NELL2: variants seen among roughly 807,000 people sequenced by gnomAD.
NELL2 encodes neural EGFL like 2, also known as protein kinase C-binding protein NELL2.
In NELL2, 41 loss-of-function variants were observed where a neutral mutation model predicts 109.6. That is an observed-to-expected ratio of 0.37 (90% CI 0.29 to 0.49). The LOEUF is 0.49. Among genes scored for constraint, NELL2 ranks in the 20% least tolerant of loss-of-function variants. NELL2 has a pLI of 0.98. For synonymous variants in NELL2, 355 were observed against 344.7 expected (o/e 1.03, Z -0.33); for missense variants, 900 against 1,008.3 (o/e 0.89, Z 1.45).
chr12:44,818,043 C>G (rs558045270), intron 2 of NELL2, among the ~76,000 whole-genome samples: 34 of 147,848 alleles, frequency 2.3e-4, no homozygotes, highest in African/African-American at 7.8e-4. Context: ...TTCAACATTC[C>G]CATTCAACAT....
intron 12 of NELL2, among the ~76,000 whole-genome samples, chr12:44,672,889 C>G (rs2136353540): frequency 6.6e-6 from 1 of 152,212 alleles, no homozygotes; most frequent in Non-Finnish European, 1.5e-5. Flanking sequence ...TAGATGTTTC[C>G]CTTTTAAGCT....
chr12:44,596,043 T>A (rs1012227598), intron 15 of NELL2, among the ~76,000 whole-genome samples: 20 of 152,178 alleles, frequency 1.3e-4, no homozygotes, highest in Non-Finnish European at 8.8e-5. Context: ...AGATTTGTAG[T>A]TAGCAGTCAC....
chr12:44,518,561 C>T (rs963584420), intron 19 of NELL2, among the ~76,000 whole-genome samples: 8 of 152,142 alleles, frequency 5.3e-5, no homozygotes, highest in Non-Finnish European at 1.0e-4. Flanking sequence ...AAATTCTTTA[C>T]CCCAGAAAAC....
At chr12:44,529,080 C>T (rs11182524) in intron 16 of NELL2, among the ~76,000 whole-genome samples, 3 of 151,908 alleles carry the variant, frequency 2.0e-5, no homozygotes, top group African/African-American at 4.8e-5. Context: ...AGAAGAATCA[C>T]TCTGAATGTT....
At chr12:44,870,689 C>A (rs1945136701) in intron 2 of NELL2, among the ~76,000 whole-genome samples, 1 of 152,104 alleles carries the variant, frequency 6.6e-6, no homozygotes, top group Admixed American at 6.6e-5. Context: ...CACCAGTGGC[C>A]AGACTAGTTT....
intron 13 of NELL2, among the ~76,000 whole-genome samples, chr12:44,619,644 GAGA>G (rs1355815544): frequency 1.3e-5 from 2 of 152,050 alleles, no homozygotes; most frequent in Non-Finnish European, 2.9e-5. Flanking sequence ...GGAAGAGGAG[GAGA>G]AGGAGGAGGA....
chr12:44,612,344 T>A lies in NELL2; in HGVS notation c.1445-1374A>T, dbSNP rs117931427. ...CTTTAATTATAACCCTGAAACTACA[T>A]TCTTAGAGATTATTCCCAATAATCC... On this transcript the variant is annotated intron_variant, in intron 13 of 19. Coordinates refer to ENST00000429094, the MANE Select transcript of NELL2 (RefSeq NM_001145108.2). Among the ~76,000 whole-genome samples, 217 of 152,156 alleles carry A rather than the reference T, an allele frequency of 1.4e-3. 1 individual carries two copies. The highest frequency in any genetic ancestry group is 2.4e-3 in the Non-Finnish European group (166 of 67,970).
At chr12:44,771,724 T>C (rs191855887) in intron 9 of NELL2, among the ~76,000 whole-genome samples, 1 of 152,356 alleles carries the variant, frequency 6.6e-6, no homozygotes, top group Admixed American at 6.5e-5. Context: ...TGGTTTCTTC[T>C]GACTTCTTTC....
At chr12:44,750,141 A>T (rs578076397) in intron 9 of NELL2, among the ~76,000 whole-genome samples, 1 of 152,266 alleles carries the variant, frequency 6.6e-6, no homozygotes, top group South Asian at 2.1e-4. Flanking sequence ...AAAGAGAAAG[A>T]AAACCACCCA....
intron 9 of NELL2, among the ~76,000 whole-genome samples, chr12:44,741,489 C>G (rs552824213): frequency 1.3e-5 from 2 of 152,158 alleles, no homozygotes; most frequent in Non-Finnish European, 2.9e-5. Flanking sequence ...CGGGCGTGAG[C>G]CAAAGCAGGG....
At chr12:44,764,927 T>G (rs1040830194) in intron 9 of NELL2, among the ~76,000 whole-genome samples, 6 of 151,816 alleles carry the variant, frequency 4.0e-5, no homozygotes, top group Admixed American at 2.6e-4. Context: ...TCCTTGCTAA[T>G]TGAAGCATGT....
intron 9 of NELL2, among the ~76,000 whole-genome samples, chr12:44,721,543 G>T (rs868433664): frequency 1.6e-4 from 24 of 152,108 alleles, no homozygotes; most frequent in African/African-American, 4.3e-4. Context: ...GTCCTTATGT[G>T]CATCTTTTCT....
At chr12:44,612,757 G>A (rs539706298) in intron 13 of NELL2, among the ~76,000 whole-genome samples, 38 of 152,026 alleles carry the variant, frequency 2.5e-4, no homozygotes, top group African/African-American at 9.2e-4. Flanking sequence ...TCTCTATATG[G>A]ACAGCCGTAG....
At chr12:44,611,358 T>C (rs1945614280) in intron 13 of NELL2, among the ~76,000 whole-genome samples, 2 of 152,132 alleles carry the variant, frequency 1.3e-5, no homozygotes, top group South Asian at 4.1e-4. Context: ...CGATGTGAAA[T>C]TGTATTGCTT....
At chr12:44,791,466 T>C (rs2136631410) in intron 3 of NELL2, among the ~76,000 whole-genome samples, 1 of 151,248 alleles carries the variant, frequency 6.6e-6, no homozygotes, top group Non-Finnish European at 1.5e-5. Flanking sequence ...AGACTATAAA[T>C]AGAGTACAGT....
chr12:44,512,792 T>C (rs2138959772), intron 19 of NELL2, among the ~76,000 whole-genome samples: 1 of 152,144 alleles, frequency 6.6e-6, no homozygotes, highest in Middle Eastern at 3.4e-3. Flanking sequence ...AGAATTATGG[T>C]GATCAGAAGC....
chr12:44,523,095 T>C (rs1177543300), intron 17 of NELL2, 196 bp downstream of exon 17: 31 of 611,142 alleles, frequency 5.1e-5, no homozygotes, highest in Non-Finnish European at 2.6e-5. Flanking sequence ...AGTTTTTGCC[T>C]GGATCTAAGG....
chr12:44,556,423 A>C (rs1943258054), intron 15 of NELL2, among the ~76,000 whole-genome samples: 1 of 152,194 alleles, frequency 6.6e-6, no homozygotes, highest in Admixed American at 6.5e-5. Flanking sequence ...TGAAACAAAC[A>C]ATAAACCCAG....
At chr12:44,555,141 G>C (rs1943197426) in intron 15 of NELL2, among the ~76,000 whole-genome samples, 1 of 152,152 alleles carries the variant, frequency 6.6e-6, no homozygotes, top group Non-Finnish European at 1.5e-5. Context: ...AACTGGTTGG[G>C]GTTCAGGTGG....
Sources: allele counts gnomAD v4.1 joint callset (sites outside exome capture counted in the v4.1 genomes callset), GRCh38; gene constraint gnomAD v4.1.1; transcripts MANE v1.5; gene names NCBI Gene and HGNC (gene_info 2026-07-23, HGNC 2026-07-21).